Variants in CAMTA1 observed in about 807,000 individuals in gnomAD.
CAMTA1 encodes calmodulin-binding transcription activator 1.
In CAMTA1, 27 loss-of-function variants were observed where a neutral mutation model predicts 170.9. The observed-to-expected ratio is 0.16, with a 90% CI of 0.12 to 0.22. CAMTA1 has a LOEUF of 0.22. Among genes scored for constraint, CAMTA1 ranks in the 10% least tolerant of loss-of-function variants. The pLI is 1.00. For synonymous variants in CAMTA1, 833 were observed against 891.5 expected, an observed-to-expected ratio of 0.93 and a Z score of 1.17; for missense variants, 1,619 against 2,217.2, an observed-to-expected ratio of 0.73 and a Z score of 5.42.
chr1:7,480,922 G>A (rs775613551), intron 6 of CAMTA1, among the ~76,000 whole-genome samples: 3 of 152,050 alleles, frequency 2.0e-5, no homozygotes, highest in South Asian at 2.1e-4. Flanking sequence ...AACTTCTCAC[G>A]GCTAGAGCAG....
intron 5 of CAMTA1, among the ~76,000 whole-genome samples, chr1:7,413,629 T>C (rs796843528): frequency 4.6e-5 from 7 of 151,766 alleles, no homozygotes; most frequent in Non-Finnish European, 7.4e-5. Context: ...TTTGCTGAAG[T>C]TGCTTATCAG....
chr1:7,231,758 G>A (rs1478307842), intron 4 of CAMTA1, among the ~76,000 whole-genome samples: 5 of 152,216 alleles, frequency 3.3e-5, no homozygotes, highest in Admixed American at 1.3e-4. Flanking sequence ...GGGGCCAAGC[G>A]CAGCCTCCCT....
In CAMTA1 at chr1:6,785,485, C is replaced by G. The variant is rs757843745; in HGVS notation, c.-46C>G. 5.0e-6 allele frequency: 5 copies of G among 1,004,458 alleles called. No homozygotes were observed. In the South Asian group the frequency reaches 1.8e-4, roughly 36 times the overall value. 62.2% of individuals were successfully genotyped at this position (1,004,458 alleles called of 1,614,324 possible). On this transcript the variant is annotated 5_prime_UTR_variant, in exon 1 of 23. Transcript: ENST00000303635. ...GGGGTGGCTGGGCCGGCGGCGGCGGCGGTACGAGGCGCGCGCTCGGGGTCC... is the reference window on the plus strand; with the variant it reads ...GGGGTGGCTGGGCCGGCGGCGGCGGGGGTACGAGGCGCGCGCTCGGGGTCC...
At chr1:7,535,350 A>G (rs1284708069) in intron 6 of CAMTA1, among the ~76,000 whole-genome samples, 2 of 152,006 alleles carry the variant, frequency 1.3e-5, no homozygotes, top group African/African-American at 4.8e-5. Flanking sequence ...GCCCGCCTCC[A>G]CCCCCAGGTC....
At chr1:7,004,992 A>C (rs1698774937) in intron 3 of CAMTA1, among the ~76,000 whole-genome samples, 1 of 152,150 alleles carries the variant, frequency 6.6e-6, no homozygotes, top group Non-Finnish European at 1.5e-5. Flanking sequence ...GGCTGGTCTC[A>C]AACTCCTGAC....
At chr1:7,725,424 G>A (rs895645124) in intron 11 of CAMTA1, among the ~76,000 whole-genome samples, 4 of 152,218 alleles carry the variant, frequency 2.6e-5, no homozygotes, top group Non-Finnish European at 4.4e-5. Flanking sequence ...AATCGTTTTC[G>A]AGTATCGCCT....
At chr1:6,865,994 C>T (rs550121791) in intron 3 of CAMTA1, among the ~76,000 whole-genome samples, 93 of 152,234 alleles carry the variant, frequency 6.1e-4, no homozygotes, top group African/African-American at 2.0e-3. Context: ...TTTAGAGGGA[C>T]GATTACCTTA....
chr1:7,433,256 C>A (rs2092240443), intron 5 of CAMTA1, among the ~76,000 whole-genome samples: 2 of 152,212 alleles, frequency 1.3e-5, no homozygotes, highest in South Asian at 4.1e-4. Context: ...GGCTGTGCTG[C>A]CTGCATCCTC....
chr1:7,754,019 C>G (rs1439113158), intron 21 of CAMTA1, among the ~76,000 whole-genome samples: 1 of 152,172 alleles, frequency 6.6e-6, no homozygotes, highest in African/African-American at 2.4e-5. Flanking sequence ...GACTTAGGAC[C>G]AAAGAGAGTA....
intron 6 of CAMTA1, among the ~76,000 whole-genome samples, chr1:7,617,221 C>T (rs1463988803): frequency 6.6e-6 from 1 of 152,156 alleles, no homozygotes; most frequent in Non-Finnish European, 1.5e-5. Context: ...CACACATGGT[C>T]GTGGCTGAGG....
At chr1:7,323,513 T>C (rs999247097) in intron 5 of CAMTA1, among the ~76,000 whole-genome samples, 47 of 143,690 alleles carry the variant, frequency 3.3e-4, no homozygotes, top group South Asian at 1.4e-3. Context: ...TCTTCTTTTT[T>C]TTTTTTTTTT....
intron 4 of CAMTA1, among the ~76,000 whole-genome samples, chr1:7,176,229 T>C (rs1471304629): frequency 6.6e-6 from 1 of 152,208 alleles, no homozygotes; most frequent in Admixed American, 6.5e-5. Context: ...TCTCTTAAAG[T>C]GAGATGCACT....
chr1:7,340,709 C>T (rs2083761384), intron 5 of CAMTA1, among the ~76,000 whole-genome samples: 1 of 148,226 alleles, frequency 6.7e-6, no homozygotes, highest in African/African-American at 2.5e-5. Context: ...TGTATCCTTC[C>T]ACCTGTGCAT....
chr1:7,335,139 TGGGGGG>T lies in CAMTA1; in HGVS notation c.438+85526_438+85531del, dbSNP rs1557537211. On this transcript the variant is annotated intron_variant, in intron 5 of 22. Transcript: ENST00000303635. ...AGCACAGCTTTTGTGTGTGTGTGTG[TGGGGGG>T]GGGGGGGGGGGGTGGGGGTGGGGGG... 4.4e-4 allele frequency among the ~76,000 whole-genome samples: 24 copies of T among 54,784 alleles called. 1 individual carries two copies. The highest frequency in any genetic ancestry group is 3.6e-3 in the South Asian group (4 of 1,112). The allele number at this position is 54,784 out of a possible 152,430, so 35.9% of individuals were successfully genotyped here. A position where few individuals can be genotyped will look rare whatever the true frequency, so the allele number is the denominator to read the frequency against.
chr1:6,884,639 T>C (rs775315779), intron 3 of CAMTA1, among the ~76,000 whole-genome samples: 1 of 152,154 alleles, frequency 6.6e-6, no homozygotes, highest in Non-Finnish European at 1.5e-5. Context: ...TTCTCAAAAA[T>C]TACCCTCAAA....
Position 7,010,848 on chromosome 1 carries a change from A to G in CAMTA1, c.235-80456A>G, listed in dbSNP as rs1699673238. Among the ~76,000 whole-genome samples, 1 of 152,116 alleles carries G rather than the reference A, an allele frequency of 6.6e-6. No homozygotes were observed. The highest frequency in any genetic ancestry group is 1.5e-5 in the Non-Finnish European group (1 of 67,992). On this transcript the variant is annotated intron_variant, in intron 3 of 22. Transcript: ENST00000303635. The surrounding 1 kb of genome is among the most constrained non-coding windows in gnomAD (Gnocchi z 4.4). ...CAGCAGAACCCTCTGGAGTGGAGCA[A>G]GCGATGGGAAATGCTCTTATCAGGC...
intron 3 of CAMTA1, among the ~76,000 whole-genome samples, chr1:6,849,618 G>C (rs902705781): frequency 1.3e-5 from 2 of 150,544 alleles, no homozygotes; most frequent in Non-Finnish European, 3.0e-5. Flanking sequence ...TTATAGAAGT[G>C]TTAAGGAAAA....
chr1:6,808,563 C>T (rs574995246), intron 1 of CAMTA1, among the ~76,000 whole-genome samples: 3 of 152,312 alleles, frequency 2.0e-5, no homozygotes, highest in Admixed American at 6.5e-5. Context: ...CAGATTGGAT[C>T]GGATGCCCTT....
intron 5 of CAMTA1, among the ~76,000 whole-genome samples, chr1:7,459,610 C>T (rs1050870604): frequency 1.3e-5 from 2 of 152,202 alleles, no homozygotes; most frequent in Admixed American, 1.3e-4. Flanking sequence ...GCGTAGCACA[C>T]TCAGGCCCTG....
Sources: allele counts gnomAD v4.1 joint callset (sites outside exome capture counted in the v4.1 genomes callset), GRCh38; gene constraint gnomAD v4.1.1; non-coding constraint Gnocchi (gnomAD v3.1); transcripts MANE v1.5; gene names NCBI Gene and HGNC (gene_info 2026-07-23, HGNC 2026-07-21).